The following ARHGEF18 variants were observed in gnomAD, a reference collection of about 807,000 sequenced individuals.
ARHGEF18 encodes Rho/Rac guanine nucleotide exchange factor 18.
Under a neutral mutation model 155.7 loss-of-function variants are expected in ARHGEF18, and 93 were observed. The ratio of observed to expected loss-of-function variants is 0.60; its 90% CI spans 0.50 to 0.71. The LOEUF (loss-of-function observed/expected upper bound fraction) is 0.71. Among genes scored for constraint, ARHGEF18 ranks in the 30% least tolerant of loss-of-function variants. The probability of loss-of-function intolerance (pLI) is 0.00; values close to 1 mark genes in which losing one functional copy is unlikely to be tolerated. For missense variants in ARHGEF18, 1,593 were observed against 1,816.1 expected (o/e 0.88, Z 2.23); for synonymous variants, 742 against 753.1 (o/e 0.99, Z 0.24).
At chr19:7,364,238 T>C (rs1277530953) in intron 2 of ARHGEF18, among the ~76,000 whole-genome samples, 1 of 144,608 alleles carries the variant, frequency 6.9e-6, no homozygotes, top group African/African-American at 2.6e-5. Flanking sequence ...GGAAGATGGA[T>C]GGATGGGTTG....
intron 10 of ARHGEF18, among the ~76,000 whole-genome samples, chr19:7,384,247 A>G (rs1265175518): frequency 1.3e-5 from 2 of 152,048 alleles, no homozygotes; most frequent in African/African-American, 4.8e-5. Context: ...CCTGGCCTTC[A>G]CCCTCTAAAT....
intron 10 of ARHGEF18, among the ~76,000 whole-genome samples, chr19:7,402,846 C>T (rs1453668375): frequency 1.3e-5 from 2 of 152,086 alleles, no homozygotes; most frequent in East Asian, 3.9e-4. Flanking sequence ...GTGAGAGCCT[C>T]GGAGCAGGTA....
chr19:7,467,153 C>A, intron 25 of ARHGEF18, 35 bp downstream of exon 25: 1 of 1,581,618 alleles, frequency 6.3e-7, no homozygotes. Context: ...CACGCGTGCC[C>A]TTTCCTGGTT....
At chr19:7,438,192 C>T (rs1448795663) in intron 10 of ARHGEF18, among the ~76,000 whole-genome samples, 1 of 151,080 alleles carries the variant, frequency 6.6e-6, no homozygotes, top group African/African-American at 2.4e-5. Flanking sequence ...CCTTGAACTC[C>T]TGGGCTCAAG....
intron 1 of ARHGEF18, among the ~76,000 whole-genome samples, chr19:7,351,456 T>C (rs1386252659): frequency 6.6e-6 from 1 of 151,440 alleles, no homozygotes; most frequent in Non-Finnish European, 1.5e-5. Flanking sequence ...CCCAAGTAGC[T>C]GGGACTACAG....
chr19:7,466,885 A>C (rs917295503), intron 23 of ARHGEF18, 33 bp from the exon 24 acceptor site: 1 of 1,604,386 alleles, frequency 6.2e-7, no homozygotes, highest in Non-Finnish European at 8.5e-7. Flanking sequence ...GTCTTGAGCC[A>C]CTCTCTCTGG....
intron 27 of ARHGEF18, 90 bp downstream of exon 27, chr19:7,469,221 C>A: frequency 7.1e-7 from 1 of 1,404,120 alleles, no homozygotes; most frequent in East Asian, 2.5e-5. Context: ...TTCGGGACAC[C>A]TGTGCCATCC....
intron 19 of ARHGEF18, 81 bp downstream of exon 19, chr19:7,458,771 C>T (rs1976012448): frequency 2.1e-6 from 3 of 1,451,834 alleles, no homozygotes; most frequent in African/African-American, 1.4e-5. Context: ...CGTTGGCCAT[C>T]AGCTGTGACC....
At chr19:7,450,771 C>A (rs1185042802) in intron 15 of ARHGEF18, among the ~76,000 whole-genome samples, 1 of 142,942 alleles carries the variant, frequency 7.0e-6, no homozygotes, top group Admixed American at 6.8e-5. Flanking sequence ...TGTCCGTTTC[C>A]ACGGTGTTAA....
intron 14 of ARHGEF18, among the ~76,000 whole-genome samples, chr19:7,445,384 G>T (rs567675926): frequency 1.7e-4 from 26 of 152,218 alleles, no homozygotes; most frequent in Admixed American, 7.8e-4. Flanking sequence ...AGAGGTCAAG[G>T]CTGCAATGAG....
Position 7,463,778 on chromosome 19 carries a change from C to T in ARHGEF18, c.2636-40C>T, listed in dbSNP as rs763673657. On this transcript the variant is annotated intron_variant, in intron 21 of 28. Coordinates refer to ENST00000668164, the MANE Select transcript of ARHGEF18 (RefSeq NM_001367823.1). The surrounding 1 kb of genome is among the most constrained non-coding windows in gnomAD (Gnocchi z 5.2). Reference sequence around the variant, plus strand: ...GCTCCGTATTCCCCCAGCACACTTCCGCAGGGCGACCCGTGCCTCCTGTCC... The same window carrying T: ...GCTCCGTATTCCCCCAGCACACTTCTGCAGGGCGACCCGTGCCTCCTGTCC... 2.2e-5 allele frequency: 34 copies of T among 1,565,270 alleles called. No individual in the cohort carries two copies. The highest frequency in any genetic ancestry group is 3.5e-5 in the South Asian group (3 of 85,504).
At chr19:7,447,939 G>A (rs995251691) in intron 15 of ARHGEF18, among the ~76,000 whole-genome samples, 3 of 152,080 alleles carry the variant, frequency 2.0e-5, no homozygotes, top group Non-Finnish European at 2.9e-5. Flanking sequence ...GAGCAGCCTG[G>A]GCAACATAGC....
chr19:7,388,580 T>C (rs987001918), intron 10 of ARHGEF18, among the ~76,000 whole-genome samples: 46 of 152,102 alleles, frequency 3.0e-4, no homozygotes, highest in African/African-American at 8.7e-4. Context: ...TTTATTTTTA[T>C]TTTTATTTAT....
At chr19:7,469,152 C>T (rs779098157) in intron 27 of ARHGEF18, 21 bp downstream of exon 27, 52 of 1,562,684 alleles carry the variant, frequency 3.3e-5, no homozygotes, top group African/African-American at 8.1e-5. Flanking sequence ...CCCACCCCTT[C>T]GCCTGGGCCT....
chr19:7,356,055 G>A (rs1969288505), intron 1 of ARHGEF18, among the ~76,000 whole-genome samples: 1 of 152,076 alleles, frequency 6.6e-6, no homozygotes. Flanking sequence ...CCAGCTGCAG[G>A]ACAGGAGGCT....
At chr19:7,350,285 G>A (rs2145303922) in intron 1 of ARHGEF18, among the ~76,000 whole-genome samples, 1 of 152,328 alleles carries the variant, frequency 6.6e-6, no homozygotes, top group Admixed American at 6.5e-5. Context: ...GAGCTAGAGT[G>A]GACAGCTGGG....
At chr19:7,362,308 G>A (rs79778718) in intron 1 of ARHGEF18, among the ~76,000 whole-genome samples, 6,840 of 149,886 alleles carry the variant, frequency 0.046, 853 homozygotes, top group African/African-American at 0.15. Flanking sequence ...AGGAGAAGGA[G>A]GAAGAAGAAG....
At chr19:7,350,772 GTGTGTGTGTGT>G (rs2145304891) in intron 1 of ARHGEF18, among the ~76,000 whole-genome samples, 1 of 27,452 alleles carries the variant, frequency 3.6e-5, no homozygotes, top group East Asian at 5.7e-4. Context: ...GGGTGGGTGT[GTGTGTGTGTGT>G]GTGTGTGTGT....
chr19:7,378,758 T>A (rs1970588676), intron 6 of ARHGEF18, among the ~76,000 whole-genome samples: 1 of 143,516 alleles, frequency 7.0e-6, no homozygotes, highest in Non-Finnish European at 1.5e-5. Context: ...AGTGGCGTGA[T>A]CTCAGCTCAC....
Sources: gnomAD v4.1 joint callset for allele counts (sites outside exome capture counted in the v4.1 genomes callset) on GRCh38, gnomAD v4.1.1 for gene constraint, Gnocchi (gnomAD v3.1) non-coding constraint, MANE v1.5 for transcripts, NCBI Gene and HGNC (gene_info 2026-07-23, HGNC 2026-07-21) for gene names.